Variants in AGBL3 observed in about 807,000 individuals in gnomAD.
AGBL3 encodes the protein AGBL carboxypeptidase 3.
Under a neutral mutation model 94.5 loss-of-function variants are expected in AGBL3, and 68 were observed. The ratio of observed to expected loss-of-function variants is 0.72; its 90% CI spans 0.59 to 0.88. AGBL3 has a LOEUF of 0.88. AGBL3 is among the 40% of genes least tolerant of loss of function. The pLI, the probability that AGBL3 is intolerant of heterozygous loss-of-function variation, is 0.00. For missense variants in AGBL3, 934 were observed against 1,103.8 expected (o/e 0.85, Z 2.18); for synonymous variants, 354 against 370.7 (o/e 0.95, Z 0.52).
intron 4 of AGBL3, among the ~76,000 whole-genome samples, chr7:134,994,767 A>T (rs887324431): frequency 2.0e-5 from 3 of 152,258 alleles, no homozygotes; most frequent in African/African-American, 7.2e-5. Flanking sequence ...ATTTTTGTTC[A>T]TAGAGGACAA....
intron 8 of AGBL3, among the ~76,000 whole-genome samples, chr7:135,038,241 T>TTGTC (rs1816495604): frequency 1.4e-5 from 2 of 142,212 alleles, no homozygotes; most frequent in African/African-American, 5.1e-5. Flanking sequence ...GAAGAACTAA[T>TTGTC]TGTCTTTTGG....
At position 135,023,563 on chromosome 7, in the gene AGBL3, A is replaced by G. The variant is rs138198076; in HGVS notation, c.418+6404A>G. On this transcript the variant is annotated intron_variant, in intron 5 of 16. Transcript: ENST00000436302. Reference sequence around the variant, plus strand: ...AGGCAGAGACAGAGCTTTCGCCTGCATGGAGCCCAGGGGATTTTGCACATG... The same window carrying G: ...AGGCAGAGACAGAGCTTTCGCCTGCGTGGAGCCCAGGGGATTTTGCACATG... Among the ~76,000 whole-genome samples the G allele has an allele frequency of 5.2e-3, 795 of 152,272 alleles. 6 individuals are homozygous for G. Among genetic ancestry groups the G allele is most frequent in the African/African-American group, 0.018 (734 of 41,554 alleles).
At position 135,088,524 on chromosome 7, in the gene AGBL3, C is replaced by T. The variant is rs548373421; in HGVS notation, c.2110+6734C>T. 2.6e-5 allele frequency among the ~76,000 whole-genome samples: 4 copies of T among 152,004 alleles called. No homozygotes were observed. In the East Asian group the frequency reaches 7.7e-4, roughly 29 times the overall value. The stretch of plus-strand genomic sequence containing the variant: ...AATGATAGTGATTATTATCTTTTTC[C>T]TTCCAAATGTAGTATTCCCTAGATT... On this transcript the variant is annotated intron_variant, in intron 15 of 16. Coordinates refer to ENST00000436302, the MANE Select transcript of AGBL3 (RefSeq NM_178563.4).
chr7:135,070,519 T>C (rs1055051331), intron 12 of AGBL3, among the ~76,000 whole-genome samples: 13 of 152,326 alleles, frequency 8.5e-5, no homozygotes, highest in Admixed American at 2.6e-4. Context: ...TCAAAAAGCT[T>C]ATCCACCATA....
At chr7:135,064,690 T>C (rs1387486771) in intron 12 of AGBL3, among the ~76,000 whole-genome samples, 1 of 152,202 alleles carries the variant, frequency 6.6e-6, no homozygotes, top group Non-Finnish European at 1.5e-5. Flanking sequence ...ATTTGGGACC[T>C]GAGCATCTGG....
intron 15 of AGBL3, among the ~76,000 whole-genome samples, chr7:135,086,787 C>A (rs1821369986): frequency 6.6e-6 from 1 of 151,796 alleles, no homozygotes; most frequent in Non-Finnish European, 1.5e-5. Flanking sequence ...TTATCAAGAA[C>A]ATAGGCCAAT....
At chr7:135,074,957 GAATA>G (rs67222562) in intron 12 of AGBL3, among the ~76,000 whole-genome samples, 73,540 of 151,790 alleles carry the variant, frequency 0.48, 18,149 homozygotes, top group South Asian at 0.65. Flanking sequence ...AACTTTTAAA[GAATA>G]AACAGATGAA....
chr7:135,127,748 AT>A (rs1245178758), intron 16 of AGBL3, among the ~76,000 whole-genome samples: 1 of 152,136 alleles, frequency 6.6e-6, no homozygotes, highest in African/African-American at 2.4e-5. Flanking sequence ...TAGTTCAACC[AT>A]TGTGGAAGAC....
chr7:135,026,342 T>C (rs1815143026), intron 5 of AGBL3, among the ~76,000 whole-genome samples: 1 of 149,040 alleles, frequency 6.7e-6, no homozygotes, highest in Non-Finnish European at 1.5e-5. Flanking sequence ...TGGCACAATC[T>C]TGGCTCATTG....
At chr7:135,063,909 A>C (rs567530129) in intron 12 of AGBL3, among the ~76,000 whole-genome samples, 4 of 152,312 alleles carry the variant, frequency 2.6e-5, no homozygotes, top group South Asian at 4.1e-4. Context: ...CTACTGAACT[A>C]ATCAGAAATC....
intron 12 of AGBL3, among the ~76,000 whole-genome samples, chr7:135,075,557 A>G (rs539342926): frequency 6.6e-6 from 1 of 152,358 alleles, no homozygotes; most frequent in Non-Finnish European, 1.5e-5. Context: ...TTTATGTGAA[A>G]TAAGTCTTCA....
At chr7:135,030,661 A>AT (rs914137048) in intron 5 of AGBL3, among the ~76,000 whole-genome samples, 1 of 151,714 alleles carries the variant, frequency 6.6e-6, no homozygotes, top group African/African-American at 2.4e-5. Context: ...TTCTTCACAT[A>AT]TTTTTTTCCA....
intron 16 of AGBL3, among the ~76,000 whole-genome samples, chr7:135,119,191 G>A (rs1425277498): frequency 6.6e-6 from 1 of 151,624 alleles, no homozygotes; most frequent in African/African-American, 2.4e-5. Context: ...CCATTAATAG[G>A]ATACACCCAA....
intron 12 of AGBL3, among the ~76,000 whole-genome samples, chr7:135,067,171 C>T (rs1168150455): frequency 3.3e-5 from 5 of 152,206 alleles, no homozygotes; most frequent in Non-Finnish European, 7.3e-5. Context: ...AACTGCAAGG[C>T]GACAGCAAGG....
At chr7:135,076,304 T>C (rs984701198) in intron 12 of AGBL3, 93 bp from the exon 13 acceptor site, 1 of 974,802 alleles carries the variant, frequency 1.0e-6, no homozygotes, top group Non-Finnish European at 1.6e-6. Flanking sequence ...CTCATCTTCT[T>C]AGAAGTGGGA....
At chr7:135,134,526 T>C (rs572527442) in intron 16 of AGBL3, among the ~76,000 whole-genome samples, 2 of 152,216 alleles carry the variant, frequency 1.3e-5, no homozygotes, top group South Asian at 4.1e-4. Context: ...TACTTTTTAG[T>C]GACCATCTAC....
At position 134,987,998 on chromosome 7, in the gene AGBL3, T is replaced by C. The variant is rs773744567; in HGVS notation, c.63+2T>C. On this transcript the variant is annotated splice_donor_variant, in intron 2 of 16. Coordinates refer to ENST00000436302, the MANE Select transcript of AGBL3 (RefSeq NM_178563.4). LOFTEE classifies it high-confidence loss of function. ...ACAATCAGTGATGAAGATGAATCGG[T>C]ATGTTTTTCTCAACTTTATTTTACT... 3 of 1,537,010 alleles carry C rather than the reference T, an allele frequency of 2.0e-6. No individual in the cohort carries two copies. The South Asian group carries it at 3.7e-5, about 19-fold the overall frequency.
At chr7:135,022,409 A>C (rs868527006) in intron 5 of AGBL3, among the ~76,000 whole-genome samples, 2 of 152,062 alleles carry the variant, frequency 1.3e-5, no homozygotes, top group African/African-American at 4.8e-5. Flanking sequence ...GTATTTCTCT[A>C]ATGACCAGTG....
chr7:135,037,662 C>T (rs1816443809), intron 8 of AGBL3, 82 bp downstream of exon 8: 4 of 1,151,854 alleles, frequency 3.5e-6, no homozygotes, highest in Non-Finnish European at 4.7e-6. Flanking sequence ...GTGGATAATA[C>T]TATTCCAAAC....
Sources: gnomAD v4.1 joint callset for allele counts (sites outside exome capture counted in the v4.1 genomes callset) on GRCh38, gnomAD v4.1.1 for gene constraint, MANE v1.5 for transcripts, NCBI Gene and HGNC (gene_info 2026-07-23, HGNC 2026-07-21) for gene names.